The following BMF variants were observed in gnomAD, a reference collection of about 807,000 sequenced individuals.
BMF encodes the protein Bcl2 modifying factor.
A neutral mutation model predicts 22.0 loss-of-function variants in BMF; 10 were observed. The observed-to-expected ratio is 0.45, with a 90% confidence interval of 0.28 to 0.77. The LOEUF (loss-of-function observed/expected upper bound fraction) is 0.77. Among genes scored for constraint, BMF ranks in the 30% least tolerant of loss-of-function variants. The pLI is 0.13. For synonymous variants in BMF, 87 were observed against 88.1 expected, an observed-to-expected ratio of 0.99 and a Z score of 0.07; for missense variants, 206 against 226.8, an observed-to-expected ratio of 0.91 and a Z score of 0.59.
intron 4 of BMF, among the ~76,000 whole-genome samples, chr15:40,102,535 A>T (rs1251546588): frequency 6.6e-6 from 1 of 151,684 alleles, no homozygotes; most frequent in Non-Finnish European, 1.5e-5. Context: ...TGTGCCAGGG[A>T]GGGCTCCCGG....
intron 4 of BMF, among the ~76,000 whole-genome samples, chr15:40,098,990 G>C (rs2036421717): frequency 6.6e-6 from 1 of 152,196 alleles, no homozygotes; most frequent in Non-Finnish European, 1.5e-5. Flanking sequence ...CCCGGCGCTG[G>C]CTCTCACGCA....
At chr15:40,104,988 C>A (rs1207115785) in intron 3 of BMF, among the ~76,000 whole-genome samples, 5 of 152,194 alleles carry the variant, frequency 3.3e-5, no homozygotes, top group Non-Finnish European at 5.9e-5. Context: ...CGCCGGGCTC[C>A]TCGCTCCTTT....
rs151234837 is a variant in BMF at position 40,096,500 on chromosome 15, G to T, written c.454-4612C>A. Among the ~76,000 whole-genome samples the T allele has an allele frequency of 1.9e-3, 293 of 152,290 alleles. 1 individual carries two copies. Among genetic ancestry groups the T allele is most frequent in the African/African-American group, 6.9e-3 (287 of 41,562 alleles). On this transcript the variant is annotated intron_variant, in intron 4 of 4. Coordinates refer to ENST00000354670, the MANE Select transcript of BMF (RefSeq NM_001003940.2). ...ACAGAGAGCAACTTATAATATCTCAGATACAGAACAGAGCACTTTCCTTTC... is the reference window on the plus strand; with the variant it reads ...ACAGAGAGCAACTTATAATATCTCATATACAGAACAGAGCACTTTCCTTTC...
intron 4 of BMF, among the ~76,000 whole-genome samples, chr15:40,097,555 T>A (rs2141017748): frequency 6.6e-6 from 1 of 152,292 alleles, no homozygotes; most frequent in East Asian, 1.9e-4. Flanking sequence ...GGTTCCAGAA[T>A]CCATCAAATC....
intron 4 of BMF, among the ~76,000 whole-genome samples, chr15:40,092,932 G>A (rs780933437): frequency 5.9e-5 from 9 of 152,210 alleles, no homozygotes; most frequent in Non-Finnish European, 1.2e-4. Flanking sequence ...GAGCCAGCAC[G>A]GGCTGGACTT....
intron 4 of BMF, among the ~76,000 whole-genome samples, chr15:40,102,335 A>C (rs1269340934): frequency 2.0e-5 from 3 of 149,916 alleles, no homozygotes; most frequent in African/African-American, 7.4e-5. Context: ...AGGCTGAGGC[A>C]GGAGAATCGC....
In BMF at chr15:40,091,897, A is replaced by AT; in HGVS notation, c.454-10_454-9insA. Reference sequence around the variant, plus strand: ...TTTTGGTTCTGCTGGTGCTGAAGGGAGAAAAAAAAAAAAGACCAACATAAC... The same window carrying AT: ...TTTTGGTTCTGCTGGTGCTGAAGGGATGAAAAAAAAAAAAGACCAACATAAC... On this transcript the variant is annotated splice_polypyrimidine_tract_variant and intron_variant, in intron 4 of 4. Transcript: ENST00000354670. 1 of 1,556,624 alleles carries AT rather than the reference A, an allele frequency of 6.4e-7. No homozygotes were observed. Among genetic ancestry groups the AT allele is most frequent in the Non-Finnish European group, 8.7e-7 (1 of 1,142,970 alleles).
intron 4 of BMF, among the ~76,000 whole-genome samples, chr15:40,092,278 GC>G (rs575275129): frequency 1.3e-5 from 2 of 152,170 alleles, no homozygotes; most frequent in South Asian, 4.2e-4. Flanking sequence ...GAGAAGAAGT[GC>G]CCCCCTCTCT....
intron 4 of BMF, among the ~76,000 whole-genome samples, chr15:40,093,604 G>GA (rs2036294209): frequency 6.6e-6 from 1 of 152,190 alleles, no homozygotes. Flanking sequence ...GCTGCTGACC[G>GA]AGACAGGTGC....
chr15:40,106,261 C>T lies in BMF; in HGVS notation c.-5-170G>A. 1 of 740,858 alleles carries T rather than the reference C, an allele frequency of 1.3e-6. No homozygotes were observed. The highest frequency in any genetic ancestry group is 2.2e-5 in the South Asian group (1 of 45,304). The allele number at this position is 740,858 out of a possible 1,614,324, so 45.9% of individuals were successfully genotyped here. On this transcript the variant is annotated intron_variant, in intron 2 of 4. Transcript: ENST00000354670. This position sits in a 1 kb window ranked among gnomAD's most constrained non-coding sequence, Gnocchi z 4.1. The stretch of plus-strand genomic sequence containing the variant: ...AAAGCACTGCTAAGGGTGACATTCA[C>T]TCCCCAAATGTGGACTGCCTGAATG...
At chr15:40,101,783 G>C (rs766752626) in intron 4 of BMF, among the ~76,000 whole-genome samples, 6 of 152,140 alleles carry the variant, frequency 3.9e-5, no homozygotes, top group Non-Finnish European at 8.8e-5. Context: ...GGGGAGGAGG[G>C]GGTTAAAAGC....
rs2036232508 is a variant in BMF, at chr15:40,091,637, G to T, written c.*150C>A. 1.6e-6 allele frequency: 1 copy of T among 634,198 alleles called. No homozygotes were observed. Among genetic ancestry groups the T allele is most frequent in the Non-Finnish European group, 2.8e-6 (1 of 360,260 alleles). 39.3% of individuals were successfully genotyped at this position (634,198 alleles called of 1,614,324 possible). On this transcript the variant is annotated 3_prime_UTR_variant, in exon 5 of 5. Coordinates refer to ENST00000354670, the MANE Select transcript of BMF (RefSeq NM_001003940.2). ...AAAGAAGGTCCCGCTTGAGTATGTT[G>T]TATGTACACTCAGAGAGAAATTAAA...
chr15:40,099,137 C>A (rs1033306987), intron 4 of BMF, among the ~76,000 whole-genome samples: 4 of 152,220 alleles, frequency 2.6e-5, no homozygotes, highest in Non-Finnish European at 4.4e-5. Flanking sequence ...GGCCCCTGCC[C>A]GGGGCTGTCC....
intron 4 of BMF, among the ~76,000 whole-genome samples, chr15:40,102,658 G>A (rs675173): frequency 0.28 from 43,201 of 151,904 alleles, 6,725 homozygotes; most frequent in Middle Eastern, 0.47. Context: ...CACGGAGCCC[G>A]CTAGATGAGT....
chr15:40,091,689 A>G lies in BMF; in HGVS notation c.*98T>C. ...AAAATTAAAACACAAAATAACAACA[A>G]AAAAACAATTTCACAAGACACAGTG... On this transcript the variant is annotated 3_prime_UTR_variant, in exon 5 of 5. Transcript: ENST00000354670. The G allele has an allele frequency of 1.1e-6, 1 of 926,702 alleles. No homozygotes were observed. Among genetic ancestry groups the G allele is most frequent in the Non-Finnish European group, 1.6e-6 (1 of 610,542 alleles). The allele number at this position is 926,702 out of a possible 1,614,324, so 57.4% of individuals were successfully genotyped here. A position where few individuals can be genotyped will look rare whatever the true frequency, so the allele number is the denominator to read the frequency against.
At chr15:40,101,090 G>A (rs1345642428) in intron 4 of BMF, among the ~76,000 whole-genome samples, 4 of 152,152 alleles carry the variant, frequency 2.6e-5, no homozygotes, top group Admixed American at 6.5e-5. Flanking sequence ...AAGAGAAATC[G>A]ATAAGGCCAA....
rs1308976003 is a variant in BMF, at chr15:40,104,210, T to G, written c.423A>C (p.Ala141=). The part of the protein sequence containing the change: ...VQIARKLQCI[A]DQFHRLHVQQ... Reference sequence around the variant, plus strand: ...GCACATGAAGCCGGTGGAACTGGTCTGCAATGCACTGAAGCTTTCGGGCAA... The same window carrying G: ...GCACATGAAGCCGGTGGAACTGGTCGGCAATGCACTGAAGCTTTCGGGCAA... Residue 141 remains alanine (A), a synonymous_variant, in exon 4 of 5, where the codon GCA becomes GCC. Transcript: ENST00000354670. 6.2e-6 allele frequency: 10 copies of G among 1,614,106 alleles called. No homozygotes were observed. The highest frequency in any genetic ancestry group is 8.5e-6 in the Non-Finnish European group (10 of 1,180,044).
chr15:40,096,687 C>T (rs1432558731), intron 4 of BMF, among the ~76,000 whole-genome samples: 1 of 152,194 alleles, frequency 6.6e-6, no homozygotes, highest in Non-Finnish European at 1.5e-5. Flanking sequence ...TAAAATTTTA[C>T]AGTGTGTTTA....
rs967766472 is a variant in BMF, at chr15:40,106,854, A to G, written c.-5-763T>C. Among the ~76,000 whole-genome samples, 1 of 152,144 alleles carries G rather than the reference A, an allele frequency of 6.6e-6. No homozygotes were observed. Among genetic ancestry groups the G allele is most frequent in the Non-Finnish European group, 1.5e-5 (1 of 68,018 alleles). On this transcript the variant is annotated intron_variant, in intron 2 of 4. Transcript: ENST00000354670. The surrounding 1 kb of genome is among the most constrained non-coding windows in gnomAD (Gnocchi z 4.1). ...GTCTGCCCACCAAAGTTTGGCCTAG[A>G]GGGTAGGTCCAGCCTCTCCCAACTA...
Sources: allele counts gnomAD v4.1 joint callset (sites outside exome capture counted in the v4.1 genomes callset), GRCh38; gene constraint gnomAD v4.1.1; non-coding constraint Gnocchi (gnomAD v3.1); transcripts MANE v1.5; gene names NCBI Gene and HGNC (gene_info 2026-07-23, HGNC 2026-07-21).